Variants in DYDC2 observed in about 807,000 individuals in gnomAD.
DYDC2 encodes the protein DPY30 domain-containing protein 2.
DYDC2 carries 19 observed loss-of-function variants against 18.7 expected under a neutral mutation model. That is an observed-to-expected ratio of 1.02 (90% confidence interval 0.71 to 1.49). DYDC2 has a LOEUF of 1.49. Ranked by LOEUF, DYDC2 falls within the 40% of genes most tolerant of loss-of-function variation. The probability of loss-of-function intolerance (pLI) is 0.00; values close to 1 mark genes in which losing one functional copy is unlikely to be tolerated. For missense variants in DYDC2, 179 were observed against 205.1 expected, an observed-to-expected ratio of 0.87 and a Z score of 0.78; for synonymous variants, 63 against 67.6, an observed-to-expected ratio of 0.93 and a Z score of 0.34.
rs191001173 is a variant in DYDC2, at chr10:80,363,794, T to C, written c.270+721T>C. 2.8e-3 allele frequency among the ~76,000 whole-genome samples: 426 copies of C among 152,318 alleles called. 1 individual carries two copies. The highest frequency in any genetic ancestry group is 9.6e-4 in the East Asian group (5 of 5,188). ...TGCATACTTCAGATATTTAACTTAG[T>C]ATTTAGTATTTGGTTTATTATATTC... On this transcript the variant is annotated intron_variant, in intron 4 of 4. Coordinates refer to ENST00000256039, the MANE Select transcript of DYDC2 (RefSeq NM_032372.6).
intron 2 of DYDC2, among the ~76,000 whole-genome samples, chr10:80,360,395 G>A (rs1195150844): frequency 2.6e-5 from 4 of 152,144 alleles, no homozygotes; most frequent in Non-Finnish European, 4.4e-5. Flanking sequence ...CCTTGGCTCT[G>A]TCATCACCTT....
chr10:80,352,009 T>C, upstream of DYDC2: 2 of 1,613,668 alleles, frequency 1.2e-6, no homozygotes, highest in Non-Finnish European at 1.7e-6. Context: ...GTCTCTAGCA[T>C]TGTTTAAAAA....
intron 4 of DYDC2, among the ~76,000 whole-genome samples, chr10:80,363,433 C>T (rs776854100): frequency 1.1e-4 from 16 of 144,254 alleles, no homozygotes; most frequent in Non-Finnish European, 2.4e-4. Context: ...CAGCCTCTGC[C>T]TCCTGGGTTC....
intron 4 of DYDC2, among the ~76,000 whole-genome samples, chr10:80,365,363 G>A (rs1843795291): frequency 6.6e-6 from 1 of 152,206 alleles, no homozygotes; most frequent in Non-Finnish European, 1.5e-5. Context: ...CCTTGGTATT[G>A]ATGTCTCTTC....
At position 80,366,780 on chromosome 10, in the gene DYDC2, C is replaced by A; in HGVS notation, c.363C>A (p.Phe121Leu). 2 of 1,614,168 alleles carry A rather than the reference C, an allele frequency of 1.2e-6. No homozygotes were observed. Among genetic ancestry groups the A allele is most frequent in the Non-Finnish European group, 1.7e-6 (2 of 1,180,022 alleles). Residue 121 changes from phenylalanine to leucine, a missense_variant, in exon 5 of 5, where the codon TTC becomes TTA. Phe to Leu is a conservative substitution (Grantham distance 22, BLOSUM62 0). Coordinates refer to ENST00000256039, the MANE Select transcript of DYDC2 (RefSeq NM_032372.6). ...AGAAGGAGGCCTTGAAGCAGGAATT[C>A]CTGCCAGGTACTTCCAGTCTGATTC... is the stretch of plus-strand genomic sequence containing the variant. ...PLEKEALKQE[F>L]LPGTSSLIPG...
Position 80,367,128 on chromosome 10 carries a change from A to T in DYDC2, c.*177A>T, listed in dbSNP as rs1305006003. 18 of 716,456 alleles carry T rather than the reference A, an allele frequency of 2.5e-5. 1 individual carries two copies. Among genetic ancestry groups the T allele is most frequent in the Admixed American group, 2.0e-4 (6 of 29,572 alleles). The allele number at this position is 716,456 out of a possible 1,614,324, so 44.4% of individuals were successfully genotyped here. On this transcript the variant is annotated 3_prime_UTR_variant, in exon 5 of 5. Transcript: ENST00000256039. ...ATTTGAACTAGTTATAGGATAAAAT[A>T]AACTCAGAATAAGGATTTAAAATAA... is the stretch of plus-strand genomic sequence containing the variant.
upstream of DYDC2, chr10:80,351,915 G>A (rs774237123): frequency 5.0e-6 from 8 of 1,613,950 alleles, no homozygotes; most frequent in African/African-American, 1.3e-5. Flanking sequence ...TGAAGTAAGA[G>A]CTCCTCTGCT....
At chr10:80,356,005 A>T (rs1446796586), upstream of DYDC2, among the ~76,000 whole-genome samples, 4 of 148,288 alleles carry the variant, frequency 2.7e-5, no homozygotes, top group African/African-American at 9.8e-5. Flanking sequence ...AAAAAAAAAA[A>T]GGTGCACAGA....
upstream of DYDC2, among the ~76,000 whole-genome samples, chr10:80,353,454 G>A (rs1357541562): frequency 6.7e-6 from 1 of 150,332 alleles, no homozygotes. Flanking sequence ...GAGCCACCGC[G>A]CCTGGCCGAC....
At chr10:80,349,146 C>T (rs926435303) in intron 1 of DYDC2, among the ~76,000 whole-genome samples, 3 of 152,226 alleles carry the variant, frequency 2.0e-5, no homozygotes, top group Admixed American at 6.5e-5. Flanking sequence ...CCGCCTCGGC[C>T]TCCCAAAGTG....
chr10:80,359,792 C>T (rs1022109956), intron 2 of DYDC2, among the ~76,000 whole-genome samples: 2 of 152,176 alleles, frequency 1.3e-5, no homozygotes, highest in African/African-American at 4.8e-5. Flanking sequence ...GAGTGCGGGG[C>T]CCACCAAGCC....
chr10:80,363,480 G>A (rs1323342132), intron 4 of DYDC2, among the ~76,000 whole-genome samples: 1 of 150,074 alleles, frequency 6.7e-6, no homozygotes, highest in African/African-American at 2.5e-5. Flanking sequence ...GAGTATCTGG[G>A]ACTACAGGCA....
chr10:80,344,780 A>G, exon 1 of DYDC2: 1 of 311,348 alleles, frequency 3.2e-6, no homozygotes, highest in South Asian at 3.0e-5. Context: ...TTCGCCTCCC[A>G]CCATGATTCT....
chr10:80,366,390 A>G (rs1843839127), intron 4 of DYDC2, among the ~76,000 whole-genome samples: 1 of 152,004 alleles, frequency 6.6e-6, no homozygotes, highest in East Asian at 1.9e-4. Context: ...ACATTTTCCT[A>G]CTTTTTTACT....
upstream of DYDC2, chr10:80,351,838 T>A (rs1564666293): frequency 2.8e-6 from 4 of 1,451,728 alleles, 1 homozygote; most frequent in Admixed American, 7.3e-5. Context: ...ACATTTAGGC[T>A]GTGCCATGCT....
intron 2 of DYDC2, among the ~76,000 whole-genome samples, chr10:80,358,585 C>A (rs572988098): frequency 3.0e-4 from 45 of 152,252 alleles, no homozygotes; most frequent in African/African-American, 1.1e-3. Flanking sequence ...TGGCAGCCAC[C>A]CCCTGACTAG....
chr10:80,346,627 AT>A (rs1373177724), intron 1 of DYDC2, among the ~76,000 whole-genome samples: 1 of 150,722 alleles, frequency 6.6e-6, no homozygotes, highest in Non-Finnish European at 1.5e-5. Flanking sequence ...CGCCCGGCTA[AT>A]TTTTTGTATT....
intron 1 of DYDC2, among the ~76,000 whole-genome samples, chr10:80,349,611 T>C (rs1040545424): frequency 7.2e-5 from 11 of 152,230 alleles, no homozygotes; most frequent in African/African-American, 2.4e-4. Flanking sequence ...GGTAGGTAGC[T>C]GAAACGCAGA....
intron 2 of DYDC2, among the ~76,000 whole-genome samples, chr10:80,359,737 T>C (rs1843605081): frequency 6.6e-6 from 1 of 152,164 alleles, no homozygotes; most frequent in South Asian, 2.1e-4. Flanking sequence ...GGCCCAGTGC[T>C]AAGCTCCTCA....
Sources: allele counts gnomAD v4.1 joint callset (sites outside exome capture counted in the v4.1 genomes callset), GRCh38; gene constraint gnomAD v4.1.1; transcripts MANE v1.5; gene names NCBI Gene and HGNC (gene_info 2026-07-23, HGNC 2026-07-21).